The following CDH6 variants were observed in gnomAD, a reference collection of about 807,000 sequenced individuals.
CDH6 encodes cadherin 6.
CDH6 carries 31 observed loss-of-function variants against 78.0 expected under a neutral mutation model. That is an observed-to-expected ratio of 0.40 (90% CI 0.30 to 0.54). The LOEUF (loss-of-function observed/expected upper bound fraction) is 0.54, where lower values mean the gene tolerates loss of function less well. Ranked by LOEUF, CDH6 falls within the 20% of genes least tolerant of loss-of-function variation. The pLI, the probability that CDH6 is intolerant of heterozygous loss-of-function variation, is 0.56. For missense variants in CDH6, 724 were observed against 975.9 expected, an observed-to-expected ratio of 0.74 and a Z score of 3.44; for synonymous variants, 376 against 368.8, an observed-to-expected ratio of 1.02 and a Z score of -0.23.
At chr5:31,302,937 AAG>A (rs1427487448) in intron 6 of CDH6, among the ~76,000 whole-genome samples, 1 of 130,758 alleles carries the variant, frequency 7.6e-6, no homozygotes, top group African/African-American at 2.6e-5. Context: ...GAAAGAAAGA[AAG>A]AAAGAAAGAA....
At chr5:31,250,476 A>T (rs926632012) in intron 1 of CDH6, 2 of 152,390 alleles carry the variant, frequency 1.3e-5, no homozygotes, top group Admixed American at 1.3e-4. Flanking sequence ...TAGGAGTCAC[A>T]TGTCAACAGG....
In CDH6 at chr5:31,261,414, A is replaced by G. The variant is rs188600785; in HGVS notation, c.-128-5932A>G. On this transcript the variant is annotated intron_variant, in intron 1 of 11. Coordinates refer to ENST00000265071, the MANE Select transcript of CDH6 (RefSeq NM_004932.4). ...AAAAAGAGTTCTATATTTATGGGTT[A>G]GGAAGAGTTAAGTGTAGATCATCCA... Among the ~76,000 whole-genome samples, 1,397 of 152,326 alleles carry G rather than the reference A, an allele frequency of 9.2e-3. 21 individuals carry two copies. Among genetic ancestry groups the G allele is most frequent in the African/African-American group, 0.032 (1,318 of 41,566 alleles).
At chr5:31,268,244 T>C (rs1742416161) in intron 2 of CDH6, among the ~76,000 whole-genome samples, 1 of 152,240 alleles carries the variant, frequency 6.6e-6, no homozygotes, top group Admixed American at 6.5e-5. Flanking sequence ...TGCTACTGTT[T>C]AGTCTTATCT....
intron 1 of CDH6, among the ~76,000 whole-genome samples, chr5:31,256,381 G>A (rs1000834335): frequency 3.9e-5 from 6 of 152,200 alleles, no homozygotes; most frequent in African/African-American, 1.4e-4. Flanking sequence ...GGTGGGAACA[G>A]AAAGGCATTC....
At chr5:31,207,593 A>T (rs1009111002) in intron 1 of CDH6, among the ~76,000 whole-genome samples, 1 of 152,226 alleles carries the variant, frequency 6.6e-6, no homozygotes, top group Non-Finnish European at 1.5e-5. Context: ...CACTGTAAAC[A>T]TCTGGAAAAC....
chr5:31,198,678 T>A lies in CDH6; in HGVS notation c.-129+4792T>A, dbSNP rs180997318. Reference sequence around the variant, plus strand: ...TCCAAGTGAGTGAAATGGAAAGAGATGAGGACGTAAATTTTTACAGCAGAG... The same window carrying A: ...TCCAAGTGAGTGAAATGGAAAGAGAAGAGGACGTAAATTTTTACAGCAGAG... On this transcript the variant is annotated intron_variant, in intron 1 of 11. Coordinates refer to ENST00000265071, the MANE Select transcript of CDH6 (RefSeq NM_004932.4). 1.3e-3 allele frequency among the ~76,000 whole-genome samples: 192 copies of A among 152,190 alleles called. 1 individual carries two copies. Among genetic ancestry groups the A allele is most frequent in the African/African-American group, 4.3e-3 (178 of 41,530 alleles).
At chr5:31,221,177 C>A (rs542489487) in intron 1 of CDH6, among the ~76,000 whole-genome samples, 1 of 152,318 alleles carries the variant, frequency 6.6e-6, no homozygotes, top group Admixed American at 6.5e-5. Flanking sequence ...ACAGCAGCGA[C>A]TCAGTCTGTC....
chr5:31,273,364 G>A (rs1356831709), intron 2 of CDH6, among the ~76,000 whole-genome samples: 2 of 152,274 alleles, frequency 1.3e-5, no homozygotes, highest in East Asian at 1.9e-4. Context: ...TGAAAGCATC[G>A]TCATAGCTGA....
rs191164745 is a variant in CDH6 at position 31,328,418 on chromosome 5, T to C, written c.*5110T>C. On this transcript the variant is annotated 3_prime_UTR_variant, in exon 12 of 12. Transcript: ENST00000265071. ...AGTGTTTATTAAAGAATCAAATGTA[T>C]AGAATTACCAGGCATTCGTGGGGAA... 4.9e-6 allele frequency: 1 copy of C among 204,142 alleles called. No homozygotes were observed. The highest frequency in any genetic ancestry group is 1.0e-5 in the Non-Finnish European group (1 of 99,462). The allele number at this position is 204,142 out of a possible 1,614,324, so 12.6% of individuals were successfully genotyped here.
chr5:31,277,775 A>C (rs2149938647), intron 2 of CDH6, among the ~76,000 whole-genome samples: 1 of 152,298 alleles, frequency 6.6e-6, no homozygotes, highest in East Asian at 1.9e-4. Context: ...TTGCACATAA[A>C]AACAGCCAAA....
intron 1 of CDH6, among the ~76,000 whole-genome samples, chr5:31,198,401 A>G (rs534937652): frequency 3.3e-5 from 5 of 152,316 alleles, no homozygotes; most frequent in African/African-American, 1.2e-4. Context: ...GTAAATGGGC[A>G]GCATGGTTTG....
intron 2 of CDH6, among the ~76,000 whole-genome samples, chr5:31,281,440 TACA>T (rs1742860822): frequency 6.6e-6 from 1 of 152,116 alleles, no homozygotes; most frequent in South Asian, 2.1e-4. Flanking sequence ...ACTGGTGAGT[TACA>T]ACGCCTTACT....
intron 2 of CDH6, among the ~76,000 whole-genome samples, chr5:31,268,845 C>T (rs190856775): frequency 1.3e-5 from 2 of 152,288 alleles, no homozygotes; most frequent in African/African-American, 4.8e-5. Flanking sequence ...GGAAAGCCAT[C>T]CACGGCTTGG....
chr5:31,322,663 A>G (rs1738501387), intron 11 of CDH6, among the ~76,000 whole-genome samples, 155 bp from the exon 12 acceptor site: 1 of 152,198 alleles, frequency 6.6e-6, no homozygotes, highest in Admixed American at 6.5e-5. Context: ...TTGATCATGG[A>G]TGGAGGCAAG....
At chr5:31,316,366 C>G (rs2149959304) in intron 9 of CDH6, 37 bp downstream of exon 9, 4 of 1,572,576 alleles carry the variant, frequency 2.5e-6, no homozygotes, top group Middle Eastern at 1.7e-4. Context: ...AGTTGAACAT[C>G]AGATTAATTT....
At chr5:31,312,106 T>C (rs1037308589) in intron 7 of CDH6, among the ~76,000 whole-genome samples, 3 of 152,216 alleles carry the variant, frequency 2.0e-5, no homozygotes, top group African/African-American at 7.2e-5. Flanking sequence ...TTAAGTGATG[T>C]AAGTGATTCT....
At chr5:31,222,834 A>G (rs1741039240) in intron 1 of CDH6, among the ~76,000 whole-genome samples, 1 of 152,164 alleles carries the variant, frequency 6.6e-6, no homozygotes, top group South Asian at 2.1e-4. Context: ...TATAAATTAT[A>G]GGTCATCTGC....
At chr5:31,220,933 T>TC (rs1284520821) in intron 1 of CDH6, among the ~76,000 whole-genome samples, 1 of 152,154 alleles carries the variant, frequency 6.6e-6, no homozygotes, top group Non-Finnish European at 1.5e-5. Flanking sequence ...TGGGGCATCA[T>TC]CCTGAACATC....
intron 1 of CDH6, among the ~76,000 whole-genome samples, chr5:31,266,916 A>G (rs1003228266): frequency 4.6e-5 from 7 of 152,212 alleles, no homozygotes; most frequent in Non-Finnish European, 1.0e-4. Context: ...CAAAATTTCA[A>G]CATTATCCAC....
Sources: gnomAD v4.1 joint callset for allele counts (sites outside exome capture counted in the v4.1 genomes callset) on GRCh38, gnomAD v4.1.1 for gene constraint, MANE v1.5 for transcripts, NCBI Gene and HGNC (gene_info 2026-07-23, HGNC 2026-07-21) for gene names.